The following PTPRC variants were observed in gnomAD, a reference collection of about 807,000 sequenced individuals.
PTPRC encodes protein tyrosine phosphatase receptor type C.
In PTPRC, 44 loss-of-function variants were observed where a neutral mutation model predicts 155.9. The observed-to-expected ratio is 0.28, with a 90% CI of 0.22 to 0.36. The LOEUF is 0.36. Among genes scored for constraint, PTPRC ranks in the 10% least tolerant of loss-of-function variants. The pLI, the probability that PTPRC is intolerant of heterozygous loss-of-function variation, is 1.00. For synonymous variants in PTPRC, 525 were observed against 533.1 expected (o/e 0.98, Z 0.21); for missense variants, 1,401 against 1,564.6 (o/e 0.90, Z 1.76).
At chr1:198,645,191 G>C (rs541087198) in intron 2 of PTPRC, among the ~76,000 whole-genome samples, 1 of 151,868 alleles carries the variant, frequency 6.6e-6, no homozygotes, top group South Asian at 2.1e-4. Context: ...TAGACAAGAA[G>C]ACATTCTCTG....
chr1:198,756,385 A>AATT lies in PTPRC; in HGVS notation c.*205_*207dup, dbSNP rs1219838495. 1.5e-6 allele frequency: 1 copy of AATT among 671,014 alleles called. No individual in the cohort carries two copies. The highest frequency in any genetic ancestry group is 1.8e-5 in the African/African-American group (1 of 54,844). 41.6% of individuals were successfully genotyped at this position (671,014 alleles called of 1,614,324 possible). A position where few individuals can be genotyped will look rare whatever the true frequency, so the allele number is the denominator to read the frequency against. ...TTGTACAGACGTATGCTTATTTTAA[A>AATT]ATTTTATCTCTTATTCAGTAAAAAA... On this transcript the variant is annotated 3_prime_UTR_variant, in exon 33 of 33. Coordinates refer to ENST00000442510, the MANE Select transcript of PTPRC (RefSeq NM_002838.5).
At chr1:198,740,237 TA>T (rs966130129) in intron 23 of PTPRC, among the ~76,000 whole-genome samples, 4 of 151,450 alleles carry the variant, frequency 2.6e-5, no homozygotes, top group African/African-American at 9.7e-5. Context: ...GAAACTGAAA[TA>T]AAAAAATACA....
At chr1:198,739,150 A>G (rs1558032801) in intron 23 of PTPRC, among the ~76,000 whole-genome samples, 1 of 151,764 alleles carries the variant, frequency 6.6e-6, no homozygotes, top group Non-Finnish European at 1.5e-5. Context: ...AGACAGGAAG[A>G]AAAGAAAGAA....
At chr1:198,688,262 C>T (rs1211040141) in intron 2 of PTPRC, among the ~76,000 whole-genome samples, 6 of 151,934 alleles carry the variant, frequency 3.9e-5, no homozygotes, top group Non-Finnish European at 7.4e-5. Flanking sequence ...TTCAAGAGGC[C>T]TTTATGGGAA....
chr1:198,730,359 A>G (rs1654330710), intron 17 of PTPRC, among the ~76,000 whole-genome samples: 2 of 152,212 alleles, frequency 1.3e-5, no homozygotes, highest in African/African-American at 4.8e-5. Flanking sequence ...CCCTTATTAC[A>G]TATTTATTCA....
At chr1:198,650,467 A>C (rs1571780706) in intron 2 of PTPRC, among the ~76,000 whole-genome samples, 1 of 152,000 alleles carries the variant, frequency 6.6e-6, no homozygotes, top group Non-Finnish European at 1.5e-5. Flanking sequence ...AATTAAGAGA[A>C]GTGGCTGCAT....
At chr1:198,677,445 A>C (rs979637994) in intron 2 of PTPRC, among the ~76,000 whole-genome samples, 8 of 151,560 alleles carry the variant, frequency 5.3e-5, no homozygotes, top group Non-Finnish European at 1.2e-4. Context: ...CTAGATTCTC[A>C]ATGTTGGGCC....
chr1:198,729,114 A>G (rs1654273348), intron 16 of PTPRC, 23 bp from the exon 17 acceptor site: 7 of 1,609,142 alleles, frequency 4.4e-6, no homozygotes, highest in Non-Finnish European at 5.9e-6. Context: ...GAATATAGAA[A>G]CTTATTTTTC....
chr1:198,691,077 A>T (rs1665900115), intron 2 of PTPRC, among the ~76,000 whole-genome samples: 1 of 152,010 alleles, frequency 6.6e-6, no homozygotes, highest in African/African-American at 2.4e-5. Context: ...AAATTTGATT[A>T]CCTATGCTGG....
Position 198,756,170 on chromosome 1 carries a change from C to T in PTPRC, c.3910C>T (p.Gln1304Ter). Reference protein sequence around the residue: ...VNGPASPALNQGS With the variant: ...VNGPASPALN ...TGGTCCTGCAAGTCCAGCTTTAAAT[C>T]AAGGTTCATAGGAAAAGACATAAAT... The change falls in exon 33 of 33, where the codon CAA becomes TAA. Residue 1304 changes from glutamine (Q) to a stop codon, truncating the protein, a stop_gained. Coordinates refer to ENST00000442510, the MANE Select transcript of PTPRC (RefSeq NM_002838.5). LOFTEE classifies it high-confidence loss of function. The T allele has an allele frequency of 6.2e-7, 1 of 1,613,102 alleles. No homozygotes were observed. The highest frequency in any genetic ancestry group is 8.5e-7 in the Non-Finnish European group (1 of 1,179,516).
chr1:198,754,181 A>G, intron 31 of PTPRC, 88 bp from the exon 32 acceptor site: 2 of 1,446,690 alleles, frequency 1.4e-6, no homozygotes, highest in African/African-American at 1.4e-5. Flanking sequence ...GAAGCAAAAA[A>G]TATATTCTCT....
At chr1:198,714,441 T>C (rs1254064548) in intron 12 of PTPRC, among the ~76,000 whole-genome samples, 1 of 152,168 alleles carries the variant, frequency 6.6e-6, no homozygotes, top group Non-Finnish European at 1.5e-5. Context: ...TCCTTCTTAT[T>C]GGGCAACTAA....
chr1:198,687,701 G>A (rs565154411), intron 2 of PTPRC, among the ~76,000 whole-genome samples: 7 of 152,094 alleles, frequency 4.6e-5, no homozygotes, highest in Admixed American at 3.9e-4. Flanking sequence ...CCTACTTTAA[G>A]ACTGGTAAAA....
chr1:198,722,162 T>C (rs937167678), intron 14 of PTPRC, among the ~76,000 whole-genome samples: 67 of 150,798 alleles, frequency 4.4e-4, no homozygotes, highest in African/African-American at 1.6e-3. Context: ...TTTTAAATAA[T>C]TATTTAATAA....
chr1:198,754,352 T>C lies in PTPRC; in HGVS notation c.3593T>C (p.Phe1198Ser). 3.7e-6 allele frequency: 6 copies of C among 1,613,388 alleles called. No homozygotes were observed. Among genetic ancestry groups the C allele is most frequent in the Non-Finnish European group, 5.1e-6 (6 of 1,179,578 alleles). ...SAETEEVVDI[F>S]QVVKALRKAR... The stretch of plus-strand genomic sequence containing the variant: ...GAAACAGAAGAGGTAGTGGATATTT[T>C]TCAAGTGGTAAAAGCTCTACGCAAA... Residue 1198 changes from phenylalanine to serine, a missense_variant, in exon 32 of 33, where the codon TTT becomes TCT. By Grantham distance (155) the Phe-to-Ser change is radical. Transcript: ENST00000442510.
chr1:198,753,190 G>C (rs986304014), intron 31 of PTPRC, among the ~76,000 whole-genome samples: 7 of 151,994 alleles, frequency 4.6e-5, no homozygotes, highest in African/African-American at 1.7e-4. Context: ...TGAACACAAA[G>C]TTTATTAAAC....
At position 198,699,637 on chromosome 1, in the gene PTPRC, G is replaced by A. The variant is rs754240047; in HGVS notation, c.372G>A (p.Thr124=). The change falls in exon 5 of 33, where the codon ACG becomes ACA. Residue 124 remains threonine (T), a synonymous_variant. Coordinates refer to ENST00000442510, the MANE Select transcript of PTPRC (RefSeq NM_002838.5). ...AGACGCCCTCTGCTGGAACTGACACGCAGACATTCAGCGGCTCCGCCGCCA... is the reference window on the plus strand; with the variant it reads ...AGACGCCCTCTGCTGGAACTGACACACAGACATTCAGCGGCTCCGCCGCCA... ...DSQTPSAGTD[T]QTFSGSAANA... The A allele has an allele frequency of 6.2e-7, 1 of 1,614,198 alleles. No individual in the cohort carries two copies. The highest frequency in any genetic ancestry group is 1.7e-5 in the Admixed American group (1 of 60,030).
chr1:198,647,432 C>G (rs1317356470), intron 2 of PTPRC, among the ~76,000 whole-genome samples: 1 of 151,850 alleles, frequency 6.6e-6, no homozygotes, highest in Non-Finnish European at 1.5e-5. Context: ...TTCTTAAAAA[C>G]AATTTTGATT....
chr1:198,724,503 T>C (rs1654037024), intron 15 of PTPRC, among the ~76,000 whole-genome samples: 2 of 152,202 alleles, frequency 1.3e-5, no homozygotes, highest in Non-Finnish European at 2.9e-5. Context: ...ATATGTTCTC[T>C]AGTGTAAGAA....
Sources: gnomAD v4.1 joint callset for allele counts (sites outside exome capture counted in the v4.1 genomes callset) on GRCh38, gnomAD v4.1.1 for gene constraint, MANE v1.5 for transcripts, NCBI Gene and HGNC (gene_info 2026-07-23, HGNC 2026-07-21) for gene names.